The following UBE3B variants were observed in gnomAD, a reference collection of about 807,000 sequenced individuals.
UBE3B encodes ubiquitin protein ligase E3B.
A neutral mutation model predicts 132.3 loss-of-function variants in UBE3B; 80 were observed. The ratio of observed to expected loss-of-function variants is 0.60; its 90% CI spans 0.50 to 0.73. UBE3B has a LOEUF of 0.73. UBE3B is among the 30% of genes least tolerant of loss of function. The pLI, the probability that UBE3B is intolerant of heterozygous loss-of-function variation, is 0.00. For synonymous variants in UBE3B, 487 were observed against 520.4 expected (o/e 0.94, Z 0.87); for missense variants, 1,196 against 1,362.5 (o/e 0.88, Z 1.92).
chr12:109,490,444 C>CTTGAGTTTGAGAAGTAATG, intron 8 of UBE3B: 1 of 1,534,586 alleles, frequency 6.5e-7, no homozygotes, highest in Non-Finnish European at 8.7e-7. Context: ...CAATGGAAGT[C>CTTGAGTTTGAGAAGTAATG]TTGAGTTTGA....
rs752372545 is a variant in UBE3B, at chr12:109,530,038, G to A, written c.2776G>A (p.Gly926Ser). 6.2e-7 allele frequency: 1 copy of A among 1,614,122 alleles called. No homozygotes were observed. The highest frequency in any genetic ancestry group is 8.5e-7 in the Non-Finnish European group (1 of 1,180,020). The change falls in exon 25 of 28, where the codon GGC (glycine) becomes AGC (serine). Residue 926 changes from glycine (G) to serine (S), a missense_variant. By Grantham distance (56) the Gly-to-Ser change is moderately conservative. Coordinates refer to ENST00000342494, the MANE Select transcript of UBE3B (RefSeq NM_130466.4). ...TCCTGAACTGCAGCGTCTCATCTCT[G>A]GCGACAATGCTGAGATTGATCTGGA... ...STPELQRLIS[G>S]DNAEIDLEDL...
intron 24 of UBE3B, among the ~76,000 whole-genome samples, chr12:109,529,509 T>G (rs925987057): frequency 2.0e-5 from 3 of 152,226 alleles, no homozygotes; most frequent in African/African-American, 7.2e-5. Context: ...CTTAATTGAT[T>G]TATGTCCAGA....
chr12:109,530,858 T>C (rs1338971588), intron 26 of UBE3B, among the ~76,000 whole-genome samples, 200 bp downstream of exon 26: 1 of 152,192 alleles, frequency 6.6e-6, no homozygotes, highest in Non-Finnish European at 1.5e-5. Flanking sequence ...GAGCCTGCTG[T>C]GTGTCCCTGG....
intron 13 of UBE3B, 59 bp from the exon 14 acceptor site, chr12:109,502,964 G>C: frequency 1.2e-6 from 2 of 1,605,830 alleles, no homozygotes; most frequent in South Asian, 1.1e-5. Context: ...TCCTTTTCCA[G>C]GGTGGGATTT....
At chr12:109,525,259 C>G (rs564103367) in intron 23 of UBE3B, among the ~76,000 whole-genome samples, 1 of 152,290 alleles carries the variant, frequency 6.6e-6, no homozygotes, top group Admixed American at 6.5e-5. Context: ...CAGGCTGGCA[C>G]GTGAAGGCTC....
chr12:109,498,376 T>A, intron 11 of UBE3B, 23 bp downstream of exon 11: 1 of 1,610,290 alleles, frequency 6.2e-7, no homozygotes, highest in South Asian at 1.1e-5. Flanking sequence ...GGCTGGAACT[T>A]GATTGTGTCC....
intron 6 of UBE3B, among the ~76,000 whole-genome samples, chr12:109,487,028 T>G (rs1404906149): frequency 6.6e-6 from 1 of 152,224 alleles, no homozygotes; most frequent in African/African-American, 2.4e-5. Context: ...CTCATTCTTT[T>G]CTCTCATCCC....
intron 2 of UBE3B, among the ~76,000 whole-genome samples, chr12:109,483,054 G>A (rs1407015015): frequency 6.6e-6 from 1 of 152,208 alleles, no homozygotes; most frequent in Non-Finnish European, 1.5e-5. Context: ...GATGATGACA[G>A]CAAATAATCA....
intron 23 of UBE3B, 38 bp from the exon 24 acceptor site, chr12:109,526,320 G>T (rs1360716417): frequency 6.2e-7 from 1 of 1,607,504 alleles, no homozygotes; most frequent in South Asian, 1.1e-5. Flanking sequence ...TTCCCCATTA[G>T]AGTCCTCCCT....
Position 109,501,409 on chromosome 12 carries a change from A to C in UBE3B, c.1157A>C (p.Gln386Pro). The part of the protein sequence containing the change: ...ESMHLITKQL[Q>P]FLWGVPLIRI... ...ATGCACTTGATCACCAAACAGCTGC[A>C]GTTCTTGTGGGGGGTGCCTCTGATC... is the stretch of plus-strand genomic sequence containing the variant. The change falls in exon 13 of 28, where the codon CAG (glutamine) becomes CCG (proline). Residue 386 changes from glutamine (Q) to proline (P), a missense_variant. By Grantham distance (76) the Gln-to-Pro change is moderately conservative. Coordinates refer to ENST00000342494, the MANE Select transcript of UBE3B (RefSeq NM_130466.4). The C allele has an allele frequency of 6.2e-7, 1 of 1,614,124 alleles. No individual in the cohort carries two copies. The highest frequency in any genetic ancestry group is 2.2e-5 in the East Asian group (1 of 44,870).
intron 8 of UBE3B, chr12:109,490,208 C>T (rs7976796): frequency 0.17 from 145,080 of 854,126 alleles, 12,713 homozygotes; most frequent in Middle Eastern, 0.2. Context: ...GTGCTGGGAT[C>T]CCTTGAATGC....
At position 109,524,123 on chromosome 12, in the gene UBE3B, T is replaced by C. The variant is rs1467204740; in HGVS notation, c.2502+8T>C. 6.2e-7 allele frequency: 1 copy of C among 1,614,048 alleles called. No individual in the cohort carries two copies. Among genetic ancestry groups the C allele is most frequent in the South Asian group, 1.1e-5 (1 of 91,080 alleles). On this transcript the variant is annotated splice_region_variant and intron_variant, in intron 22 of 27. Coordinates refer to ENST00000342494, the MANE Select transcript of UBE3B (RefSeq NM_130466.4). ...AACCTCACCTCCATCAAGGTGAGCA[T>C]GGAATGGTGGGTGAGCTAAGCCGAG...
chr12:109,503,297 C>G, intron 14 of UBE3B, 107 bp downstream of exon 14: 1 of 1,437,614 alleles, frequency 7.0e-7, no homozygotes, highest in East Asian at 2.3e-5. Flanking sequence ...AAAATAGATT[C>G]TGAAGGAGGG....
intron 26 of UBE3B, 91 bp from the exon 27 acceptor site, chr12:109,533,375 A>G: frequency 1.6e-6 from 2 of 1,227,948 alleles, no homozygotes; most frequent in Non-Finnish European, 2.4e-6. Flanking sequence ...ACGGTAACAG[A>G]CAGAGCAAAC....
chr12:109,512,494 C>T (rs1421432465), intron 18 of UBE3B, among the ~76,000 whole-genome samples: 4 of 152,108 alleles, frequency 2.6e-5, no homozygotes, highest in Admixed American at 1.3e-4. Flanking sequence ...TGGAAATGTC[C>T]GATGCTGCGA....
chr12:109,515,253 T>G (rs1771610973), intron 18 of UBE3B, among the ~76,000 whole-genome samples: 1 of 152,086 alleles, frequency 6.6e-6, no homozygotes, highest in African/African-American at 2.4e-5. Context: ...CATTGCTTTT[T>G]TTGTTACAAT....
At chr12:109,491,008 G>T in intron 8 of UBE3B, 37 bp from the exon 9 acceptor site, 1 of 1,596,074 alleles carries the variant, frequency 6.3e-7, no homozygotes. Context: ...ATATAAAGTT[G>T]ATATCATCCT....
rs1316399177 is a variant in UBE3B at position 109,534,678 on chromosome 12, A to C, written c.3103A>C (p.Thr1035Pro). ...AGGCGGCCGCCTGCCCACCTCCTCCACCTGCTTCAACCTGCTCAAGCTGCC... is the reference window on the plus strand; with the variant it reads ...AGGCGGCCGCCTGCCCACCTCCTCCCCCTGCTTCAACCTGCTCAAGCTGCC... ...EPGGRLPTSS[T>P]CFNLLKLPNY... The change falls in exon 28 of 28, where the codon ACC becomes CCC. Residue 1035 changes from threonine (T) to proline (P), a missense_variant. By Grantham distance (38) the Thr-to-Pro change is conservative. Coordinates refer to ENST00000342494, the MANE Select transcript of UBE3B (RefSeq NM_130466.4). This position sits in a 1 kb window ranked among gnomAD's most constrained non-coding sequence, Gnocchi z 5.2. 1 of 1,609,478 alleles carries C rather than the reference A, an allele frequency of 6.2e-7. No homozygotes were observed. The highest frequency in any genetic ancestry group is 8.5e-7 in the Non-Finnish European group (1 of 1,178,292).
chr12:109,491,824 T>G (rs560670744), intron 9 of UBE3B: 2 of 152,244 alleles, frequency 1.3e-5, no homozygotes, highest in Non-Finnish European at 2.9e-5. Context: ...TACACCTTCA[T>G]GCTGAGAGCT....
Sources: allele counts gnomAD v4.1 joint callset (sites outside exome capture counted in the v4.1 genomes callset), GRCh38; gene constraint gnomAD v4.1.1; non-coding constraint Gnocchi (gnomAD v3.1); transcripts MANE v1.5; gene names NCBI Gene and HGNC (gene_info 2026-07-23, HGNC 2026-07-21).